Variants in AUTS2 observed in about 807,000 individuals in gnomAD.
AUTS2 encodes activator of transcription and developmental regulator AUTS2.
Under a neutral mutation model 112.4 loss-of-function variants are expected in AUTS2, and 17 were observed. The ratio of observed to expected loss-of-function variants is 0.15; its 90% CI spans 0.10 to 0.23. AUTS2 has a LOEUF of 0.23. AUTS2 is among the 10% of genes least tolerant of loss of function. The pLI, the probability that AUTS2 is intolerant of heterozygous loss-of-function variation, is 1.00. For missense variants in AUTS2, 1,510 were observed against 1,701.6 expected (o/e 0.89, Z 1.98); for synonymous variants, 751 against 702.7 (o/e 1.07, Z -1.09).
intron 5 of AUTS2, among the ~76,000 whole-genome samples, chr7:70,638,403 C>T (rs1488822401): frequency 6.6e-6 from 1 of 152,160 alleles, no homozygotes; most frequent in Non-Finnish European, 1.5e-5. Context: ...AACTTGAGAG[C>T]AACTCTGCAG....
At chr7:70,526,753 C>T (rs1799858147) in intron 5 of AUTS2, among the ~76,000 whole-genome samples, 1 of 152,198 alleles carries the variant, frequency 6.6e-6, no homozygotes, top group East Asian at 1.9e-4. Flanking sequence ...ATTGTGTTCC[C>T]ATCTGTACCT....
chr7:69,731,487 G>A (rs1384525979), intron 1 of AUTS2, among the ~76,000 whole-genome samples: 2 of 152,138 alleles, frequency 1.3e-5, no homozygotes, highest in African/African-American at 4.8e-5. Context: ...TATTGAGCAT[G>A]GTGCCTGACC....
At chr7:70,712,738 G>A (rs1342264311) in intron 6 of AUTS2, among the ~76,000 whole-genome samples, 1 of 152,218 alleles carries the variant, frequency 6.6e-6, no homozygotes, top group Non-Finnish European at 1.5e-5. Flanking sequence ...GTCACTGGGT[G>A]AAATCATACT....
intron 1 of AUTS2, among the ~76,000 whole-genome samples, chr7:69,762,296 T>A (rs1788221198): frequency 8.4e-5 from 1 of 11,970 alleles, no homozygotes. Context: ...AAGTTGTCTT[T>A]TTTTTTTTTT....
At chr7:70,633,180 T>C (rs991970958) in intron 5 of AUTS2, among the ~76,000 whole-genome samples, 3 of 152,078 alleles carry the variant, frequency 2.0e-5, no homozygotes, top group Non-Finnish European at 4.4e-5. Context: ...GGGAGAGACA[T>C]AGAGCAAAAT....
rs879744418 is a variant in AUTS2, at chr7:70,340,256, AT to A, written c.661-95488del. ...GATTTGAACATAAATACCAGTACAC[AT>A]TTTTTTTAATAATGCAGCATAAATG... On this transcript the variant is annotated intron_variant, in intron 4 of 18. Coordinates refer to ENST00000342771, the MANE Select transcript of AUTS2 (RefSeq NM_015570.4). Among the ~76,000 whole-genome samples the A allele has an allele frequency of 1.5e-4, 23 of 151,896 alleles. 1 individual carries two copies. The South Asian group carries it at 2.3e-3, about 15-fold the overall frequency.
At position 70,579,244 on chromosome 7, in the gene AUTS2, T is replaced by TAAAAA. The variant is rs10611601; in HGVS notation, c.691-119311_691-119307dup. ...ATGCCCAGCCTTATATTCTCTTTTC[T>TAAAAA]AAAAAAAAAAAAAAAAAAGATGAAG... On this transcript the variant is annotated intron_variant, in intron 5 of 18. Transcript: ENST00000342771. Among the ~76,000 whole-genome samples the TAAAAA allele has an allele frequency of 7.4e-3, 416 of 55,898 alleles. 43 individuals are homozygous for TAAAAA. Among genetic ancestry groups the TAAAAA allele is most frequent in the African/African-American group, 0.017 (240 of 14,502 alleles). 36.7% of individuals were successfully genotyped at this position (55,898 alleles called of 152,430 possible). A position where few individuals can be genotyped will look rare whatever the true frequency, so the allele number is the denominator to read the frequency against.
At chr7:70,061,797 CTCCCCCGGAGACGGAGTT>C (rs1432857889) in intron 2 of AUTS2, among the ~76,000 whole-genome samples, 2 of 146,298 alleles carry the variant, frequency 1.4e-5, no homozygotes, top group African/African-American at 2.5e-5. Context: ...TTTTTTTTTG[CTCCCCCGGAGACGGAGTT>C]TCACTCTTGT....
In AUTS2 at chr7:69,779,496, G is replaced by A. The variant is rs190134452; in HGVS notation, c.310-119790G>A. On this transcript the variant is annotated intron_variant, in intron 1 of 18. Transcript: ENST00000342771. ...ATATAGATAGAAGCCAGGCGCAGTGGCTCACACCTGTAATCCCAGCACTTT... is the reference window on the plus strand; with the variant it reads ...ATATAGATAGAAGCCAGGCGCAGTGACTCACACCTGTAATCCCAGCACTTT... 4.1e-3 allele frequency among the ~76,000 whole-genome samples: 619 copies of A among 151,576 alleles called. 6 individuals carry two copies. The highest frequency in any genetic ancestry group is 0.014 in the African/African-American group (577 of 41,398).
At chr7:70,399,115 T>C (rs1304846412) in intron 4 of AUTS2, among the ~76,000 whole-genome samples, 1 of 151,504 alleles carries the variant, frequency 6.6e-6, no homozygotes, top group Non-Finnish European at 1.5e-5. Flanking sequence ...GCCTCTCAAA[T>C]AGTTGGGACC....
chr7:70,726,029 A>G (rs931707206), intron 6 of AUTS2, among the ~76,000 whole-genome samples: 22 of 151,936 alleles, frequency 1.4e-4, no homozygotes, highest in Admixed American at 7.2e-4. Context: ...TTCAAAAAAA[A>G]AAAAAAAGGA....
intron 2 of AUTS2, among the ~76,000 whole-genome samples, chr7:70,076,888 T>C (rs1013009309): frequency 3.9e-5 from 6 of 152,110 alleles, no homozygotes; most frequent in African/African-American, 1.4e-4. Context: ...TCAATTAGAG[T>C]GCTTGCAGAG....
intron 5 of AUTS2, among the ~76,000 whole-genome samples, chr7:70,506,972 G>T (rs547294414): frequency 6.8e-4 from 103 of 152,320 alleles, no homozygotes; most frequent in Non-Finnish European, 1.1e-3. Flanking sequence ...CCAGCGCAGA[G>T]AGCTCAGAAT....
At chr7:70,361,159 C>A (rs1792243058) in intron 4 of AUTS2, among the ~76,000 whole-genome samples, 1 of 152,126 alleles carries the variant, frequency 6.6e-6, no homozygotes, top group South Asian at 2.1e-4. Context: ...CAGTGAAACC[C>A]TGTCTCTACT....
At chr7:70,110,326 G>A (rs1805002026) in intron 2 of AUTS2, among the ~76,000 whole-genome samples, 2 of 152,162 alleles carry the variant, frequency 1.3e-5, no homozygotes, top group Non-Finnish European at 2.9e-5. Flanking sequence ...GACCAGCCTG[G>A]CCAACATGGT....
chr7:70,647,324 G>T (rs1226089638), intron 5 of AUTS2, among the ~76,000 whole-genome samples: 1 of 152,182 alleles, frequency 6.6e-6, no homozygotes, highest in East Asian at 1.9e-4. Flanking sequence ...GAGCTGGGAT[G>T]AGCACTGAAC....
At chr7:69,885,649 G>A (rs1794241444) in intron 1 of AUTS2, among the ~76,000 whole-genome samples, 1 of 152,218 alleles carries the variant, frequency 6.6e-6, no homozygotes, top group African/African-American at 2.4e-5. Flanking sequence ...CTCTGGGTGT[G>A]TTGCCAGTTG....
At chr7:69,920,403 C>A (rs534909948) in intron 2 of AUTS2, among the ~76,000 whole-genome samples, 1 of 151,952 alleles carries the variant, frequency 6.6e-6, no homozygotes, top group African/African-American at 2.4e-5. Flanking sequence ...CCTCCCGTTT[C>A]AGTCCCCTAA....
At chr7:70,142,305 A>G (rs1255956260) in intron 4 of AUTS2, among the ~76,000 whole-genome samples, 1 of 152,240 alleles carries the variant, frequency 6.6e-6, no homozygotes, top group Non-Finnish European at 1.5e-5. Context: ...ACTAGGCAAG[A>G]GAGTGGCTAA....
Sources: allele counts gnomAD v4.1 joint callset (sites outside exome capture counted in the v4.1 genomes callset), GRCh38; gene constraint gnomAD v4.1.1; transcripts MANE v1.5; gene names NCBI Gene and HGNC (gene_info 2026-07-23, HGNC 2026-07-21).